The following ARRB1 variants were observed in gnomAD, a reference collection of about 807,000 sequenced individuals.
ARRB1 encodes beta-arrestin-1.
Under a neutral mutation model 56.8 loss-of-function variants are expected in ARRB1, and 21 were observed. The observed-to-expected ratio is 0.37, with a 90% confidence interval of 0.26 to 0.53. ARRB1 has a LOEUF of 0.53. Among genes scored for constraint, ARRB1 ranks in the 20% least tolerant of loss-of-function variants. The pLI, the probability that ARRB1 is intolerant of heterozygous loss-of-function variation, is 0.88. For synonymous variants in ARRB1, 210 were observed against 218.6 expected, an observed-to-expected ratio of 0.96 and a Z score of 0.35; for missense variants, 424 against 553.7, an observed-to-expected ratio of 0.77 and a Z score of 2.35.
chr11:75,278,145 G>A (rs1371823403), intron 8 of ARRB1, among the ~76,000 whole-genome samples: 1 of 152,242 alleles, frequency 6.6e-6, no homozygotes, highest in Non-Finnish European at 1.5e-5. Context: ...ACCTTGAGGA[G>A]GGGCCAGCCT....
At chr11:75,304,869 G>C (rs990229257) in intron 1 of ARRB1, among the ~76,000 whole-genome samples, 1 of 151,100 alleles carries the variant, frequency 6.6e-6, no homozygotes, top group African/African-American at 2.4e-5. Flanking sequence ...TTTGAGACCA[G>C]GCTGGGCAAC....
chr11:75,314,106 A>T (rs1947221154), intron 1 of ARRB1, among the ~76,000 whole-genome samples: 1 of 152,098 alleles, frequency 6.6e-6, no homozygotes, highest in African/African-American at 2.4e-5. Flanking sequence ...CCCTGGAGCC[A>T]CCAACTTCCT....
intron 1 of ARRB1, among the ~76,000 whole-genome samples, chr11:75,312,397 A>G (rs576014): frequency 0.45 from 68,197 of 152,004 alleles, 16,057 homozygotes; most frequent in East Asian, 0.6. Context: ...ACTGCCAGGG[A>G]CCTTGTCTTA....
Position 75,265,235 on chromosome 11 carries a change from C to G in ARRB1, c.*928G>C, listed in dbSNP as rs1015769830. 2.0e-5 allele frequency: 3 copies of G among 152,302 alleles called. No homozygotes were observed. The highest frequency in any genetic ancestry group is 7.2e-5 in the African/African-American group (3 of 41,434). 9.4% of individuals were successfully genotyped at this position (152,302 alleles called of 1,614,324 possible). On this transcript the variant is annotated 3_prime_UTR_variant, in exon 16 of 16. Transcript: ENST00000420843. ...CACTTCCTGCATGACCATGTGAAGT[C>G]CACAAGGAAGGGACATAAGGCAGAC...
At chr11:75,283,203 C>T (rs1359353646) in intron 5 of ARRB1, 84 bp downstream of exon 5, 1 of 1,420,696 alleles carries the variant, frequency 7.0e-7, no homozygotes, top group African/African-American at 1.4e-5. Flanking sequence ...GCAGCTGACC[C>T]TCACCGCCCT....
intron 5 of ARRB1, 117 bp downstream of exon 5, chr11:75,283,170 A>G (rs769954373): frequency 7.4e-6 from 8 of 1,074,370 alleles, no homozygotes; most frequent in Admixed American, 2.6e-5. Flanking sequence ...CCCAGCATAC[A>G]CTGGGAAACT....
At chr11:75,286,612 A>G (rs34903113) in intron 3 of ARRB1, among the ~76,000 whole-genome samples, 17,769 of 152,146 alleles carry the variant, frequency 0.12, 1,158 homozygotes, top group Admixed American at 0.2. Context: ...TACTCTGGGC[A>G]TCGAATGAGT....
chr11:75,283,513 G>A (rs1043691192), intron 4 of ARRB1, 30 bp from the exon 5 acceptor site: 1 of 1,561,836 alleles, frequency 6.4e-7, no homozygotes, highest in Admixed American at 1.9e-5. Context: ...CTGAGGAGGG[G>A]CCTGGGAGAG....
chr11:75,285,790 C>T (rs1303176748), intron 3 of ARRB1, among the ~76,000 whole-genome samples: 4 of 152,112 alleles, frequency 2.6e-5, no homozygotes, highest in Admixed American at 6.6e-5. Flanking sequence ...GGGCTGGTTT[C>T]CTGCCCCTGT....
Position 75,274,178 on chromosome 11 carries a change from C to T in ARRB1, c.810G>A (p.Lys270=), listed in dbSNP as rs566826279. The T allele has an allele frequency of 2.2e-5, 36 of 1,614,174 alleles. No homozygotes were observed. In the South Asian group the frequency reaches 3.4e-4, roughly 15 times the overall value. ...CTAGGAAGGGGGTCAGTGTGTAGAC[C>T]TTGCAGAACGTCGAGCTGGGTGCCA... is the stretch of plus-strand genomic sequence containing the variant. ...DTVAPSSTFC[K]VYTLTPFLAN... is the part of the protein sequence containing the mutation. Residue 270 remains lysine (K), a synonymous_variant, in exon 11 of 16, where the codon AAG becomes AAA. Transcript: ENST00000420843.
chr11:75,270,587 A>G lies in ARRB1; in HGVS notation c.1022+1114T>C, dbSNP rs189608327. Among the ~76,000 whole-genome samples, 9 of 151,800 alleles carry G rather than the reference A, an allele frequency of 5.9e-5. No homozygotes were observed. In the East Asian group the frequency reaches 1.6e-3, roughly 26 times the overall value. ...GGTTGCAGTGAGCCAAGATCGTGCC[A>G]CTGCACTCCAGCCTACCCGACAGAG... is the stretch of plus-strand genomic sequence containing the variant. On this transcript the variant is annotated intron_variant, in intron 13 of 15. Transcript: ENST00000420843.
At position 75,321,467 on chromosome 11, in the gene ARRB1, C is replaced by T. The variant is rs538540131; in HGVS notation, c.20+30121G>A. 9.3e-4 allele frequency among the ~76,000 whole-genome samples: 141 copies of T among 152,286 alleles called. 2 individuals carry two copies. The highest frequency in any genetic ancestry group is 3.3e-3 in the African/African-American group (137 of 41,544). ...CTGCTGGCGGAAACCACCTTCCTTA[C>T]ACACATGCTCACCACCATTTGAGAG... On this transcript the variant is annotated intron_variant, in intron 1 of 15. Transcript: ENST00000420843.
intron 7 of ARRB1, among the ~76,000 whole-genome samples, chr11:75,280,787 A>T (rs1211292194): frequency 6.6e-6 from 1 of 152,222 alleles, no homozygotes. Flanking sequence ...AACAAATTAA[A>T]AAGACATGCA....
At chr11:75,279,572 T>A (rs1946282353) in intron 7 of ARRB1, among the ~76,000 whole-genome samples, 1 of 152,212 alleles carries the variant, frequency 6.6e-6, no homozygotes, top group African/African-American at 2.4e-5. Flanking sequence ...ACTAACTATG[T>A]GGCCCTGGGT....
chr11:75,290,072 C>G lies in ARRB1; in HGVS notation c.21-33G>C, dbSNP rs34972932. On this transcript the variant is annotated intron_variant, in intron 1 of 15. Coordinates refer to ENST00000420843, the MANE Select transcript of ARRB1 (RefSeq NM_004041.5). ...GAGAAAGAGAGGTCAGGCCAGGGTT[C>G]GCGTATCCTGCCCAGGGGCAAGCTC... The G allele has an allele frequency of 5.8e-3, 9,408 of 1,613,712 alleles. 40 individuals carry two copies. Among genetic ancestry groups the G allele is most frequent in the Non-Finnish European group, 7.3e-3 (8,631 of 1,179,854 alleles).
chr11:75,332,931 C>G (rs114759537), intron 1 of ARRB1, among the ~76,000 whole-genome samples: 70 of 152,118 alleles, frequency 4.6e-4, no homozygotes, highest in African/African-American at 1.5e-3. Context: ...GAAGCTCCCC[C>G]CAACCCCTGC....
At chr11:75,347,655 T>C (rs537428387) in intron 1 of ARRB1, among the ~76,000 whole-genome samples, 1 of 152,172 alleles carries the variant, frequency 6.6e-6, no homozygotes, top group African/African-American at 2.4e-5. Flanking sequence ...TGTGGGTCAA[T>C]AGGCCTGGGT....
At chr11:75,317,304 C>T (rs79434553) in intron 1 of ARRB1, among the ~76,000 whole-genome samples, 1 of 152,030 alleles carries the variant, frequency 6.6e-6, no homozygotes, top group Non-Finnish European at 1.5e-5. Context: ...CACCCTTAGC[C>T]CCTATGGCCC....
Position 75,314,334 on chromosome 11 carries a change from C to T in ARRB1, c.21-24295G>A, listed in dbSNP as rs376754609. Among the ~76,000 whole-genome samples, 701 of 152,356 alleles carry T rather than the reference C, an allele frequency of 4.6e-3. 7 individuals carry two copies. The highest frequency in any genetic ancestry group is 0.016 in the African/African-American group (667 of 41,588). On this transcript the variant is annotated intron_variant, in intron 1 of 15. Coordinates refer to ENST00000420843, the MANE Select transcript of ARRB1 (RefSeq NM_004041.5). ...TCTTCTTAGTAAAGATAACAGCAGA[C>T]TGGATGCCGCAGGGCATGGTGGCAC...
Sources: gnomAD v4.1 joint callset for allele counts (sites outside exome capture counted in the v4.1 genomes callset) on GRCh38, gnomAD v4.1.1 for gene constraint, MANE v1.5 for transcripts, NCBI Gene and HGNC (gene_info 2026-07-23, HGNC 2026-07-21) for gene names.